DOCK7: variants seen among roughly 807,000 people sequenced by gnomAD.
The protein encoded by DOCK7 is dedicator of cytokinesis 7, also known as dedicator of cytokinesis protein 7.
In DOCK7, 138 loss-of-function variants were observed where a neutral mutation model predicts 271.0. The ratio of observed to expected loss-of-function variants is 0.51; its 90% confidence interval spans 0.44 to 0.59. DOCK7 has a LOEUF of 0.59. DOCK7 is among the 20% of genes least tolerant of loss of function. The pLI, the probability that DOCK7 is intolerant of heterozygous loss-of-function variation, is 0.00. For synonymous variants in DOCK7, 823 were observed against 876.1 expected, an observed-to-expected ratio of 0.94 and a Z score of 1.07; for missense variants, 2,066 against 2,592.4, an observed-to-expected ratio of 0.80 and a Z score of 4.41.
At chr1:62,461,745 G>A (rs1305265177) in intron 48 of DOCK7, among the ~76,000 whole-genome samples, 2 of 141,120 alleles carry the variant, frequency 1.4e-5, no homozygotes, top group Non-Finnish European at 3.1e-5. Context: ...ACTGATTTTT[G>A]GTAGAGCAGG....
In DOCK7 at chr1:62,671,874, G is replaced by A. The variant is rs139714421; in HGVS notation, c.39-8744C>T. On this transcript the variant is annotated intron_variant, in intron 1 of 49. Transcript: ENST00000635253. ...TCTCTAATGTGTCTTTAGCATATCT[G>A]CAAAGGGCTGGTTACAGAATTACTT... 1.2e-4 allele frequency among the ~76,000 whole-genome samples: 18 copies of A among 151,512 alleles called. 1 individual carries two copies. In the East Asian group the frequency reaches 3.5e-3, roughly 29 times the overall value.
At chr1:62,582,293 G>GCCTA (rs1167563186) in intron 16 of DOCK7, among the ~76,000 whole-genome samples, 1 of 152,050 alleles carries the variant, frequency 6.6e-6, no homozygotes, top group East Asian at 1.9e-4. Context: ...GCTCACGCCT[G>GCCTA]TAATCCCAGC....
At chr1:62,615,866 C>CA (rs2149578473) in intron 14 of DOCK7, among the ~76,000 whole-genome samples, 1 of 151,822 alleles carries the variant, frequency 6.6e-6, no homozygotes, top group East Asian at 1.9e-4. Context: ...ACATCATTCT[C>CA]AAATTAATAT....
At chr1:62,674,311 C>G (rs916195166) in intron 1 of DOCK7, among the ~76,000 whole-genome samples, 1 of 150,954 alleles carries the variant, frequency 6.6e-6, no homozygotes, top group Admixed American at 6.6e-5. Flanking sequence ...ATAAATAGAC[C>G]CCCCCCACCA....
chr1:62,670,636 T>C (rs1026020918), intron 1 of DOCK7, among the ~76,000 whole-genome samples: 2 of 152,248 alleles, frequency 1.3e-5, no homozygotes, highest in African/African-American at 4.8e-5. Flanking sequence ...ATCTAGCTGC[T>C]CTGGTGGGGC....
chr1:62,462,212 T>C (rs1420001826), intron 48 of DOCK7, among the ~76,000 whole-genome samples: 1 of 152,184 alleles, frequency 6.6e-6, no homozygotes, highest in East Asian at 1.9e-4. Context: ...AAATATACCA[T>C]ATTCATGGAC....
At chr1:62,558,805 C>T (rs1206123181) in intron 20 of DOCK7, among the ~76,000 whole-genome samples, 184 bp downstream of exon 20, 2 of 151,830 alleles carry the variant, frequency 1.3e-5, no homozygotes, top group Non-Finnish European at 2.9e-5. Flanking sequence ...CTATAGAACA[C>T]ATTTTATAAA....
chr1:62,688,191 G>C (rs1662064704), intron 1 of DOCK7, 36 bp downstream of exon 1: 7 of 1,335,534 alleles, frequency 5.2e-6, no homozygotes, highest in Admixed American at 3.0e-5. Flanking sequence ...TCTTTCTCGG[G>C]CGGCGGCGGC....
intron 21 of DOCK7, 26 bp from the exon 22 acceptor site, chr1:62,552,927 T>G (rs751395347): frequency 3.5e-6 from 5 of 1,439,260 alleles, no homozygotes; most frequent in East Asian, 5.1e-5. Flanking sequence ...AAATAGCACA[T>G]AATTAAAGAA....
chr1:62,490,280 C>T (rs1000174226), intron 41 of DOCK7, among the ~76,000 whole-genome samples: 7 of 151,772 alleles, frequency 4.6e-5, no homozygotes, highest in South Asian at 2.1e-4. Context: ...TTACATTGAG[C>T]GGGCTGGTTT....
intron 48 of DOCK7, among the ~76,000 whole-genome samples, chr1:62,460,499 T>C (rs1293455388): frequency 2.0e-5 from 3 of 152,088 alleles, no homozygotes; most frequent in Admixed American, 6.6e-5. Flanking sequence ...TATATACAAA[T>C]ACTACACCAT....
chr1:62,639,484 G>C (rs1003206134), intron 7 of DOCK7, among the ~76,000 whole-genome samples: 6 of 131,712 alleles, frequency 4.6e-5, no homozygotes, highest in African/African-American at 1.8e-4. Flanking sequence ...GCCCAGGCTG[G>C]AGTGCAGTGG....
intron 14 of DOCK7, chr1:62,608,115 C>T (rs1056375810): frequency 6.6e-6 from 1 of 152,072 alleles, no homozygotes; most frequent in African/African-American, 2.4e-5. Context: ...ATTTATTTCC[C>T]CCCAAGTATT....
rs768762188 is a variant in DOCK7, at chr1:62,597,876, T to C, written c.1683-11252A>G. ...AGAAAAGGAACTGAGAAGAACTACA[T>C]ATAAACTACAAGTCAAAAATGAAGA... is the stretch of plus-strand genomic sequence containing the variant. On this transcript the variant is annotated intron_variant, in intron 14 of 49. Coordinates refer to ENST00000635253, the MANE Select transcript of DOCK7 (RefSeq NM_001367561.1). The C allele has an allele frequency of 5.0e-6, 8 of 1,584,214 alleles. No individual in the cohort carries two copies. The East Asian group carries it at 1.8e-4, about 36-fold the overall frequency.
intron 13 of DOCK7, 89 bp from the exon 14 acceptor site, chr1:62,618,957 C>A: frequency 8.1e-7 from 1 of 1,237,970 alleles, no homozygotes. Flanking sequence ...CCTATTTTTG[C>A]AAGAAGTCTG....
intron 38 of DOCK7, 66 bp downstream of exon 38, chr1:62,496,273 C>G: frequency 6.3e-7 from 1 of 1,575,592 alleles, no homozygotes; most frequent in South Asian, 1.2e-5. Flanking sequence ...TTTGATTTAA[C>G]AATTTGGAAA....
intron 4 of DOCK7, among the ~76,000 whole-genome samples, chr1:62,651,331 A>G (rs1571905342): frequency 6.7e-6 from 1 of 149,048 alleles, no homozygotes; most frequent in Non-Finnish European, 1.5e-5. Context: ...GGATAGCATT[A>G]GGAGATATAC....
intron 22 of DOCK7, 50 bp from the exon 23 acceptor site, chr1:62,545,089 G>C (rs1366205224): frequency 7.1e-7 from 1 of 1,400,132 alleles, no homozygotes; most frequent in Non-Finnish European, 9.8e-7. Flanking sequence ...ATTACATGTT[G>C]CATGCTATAA....
At chr1:62,578,711 C>CTG in intron 17 of DOCK7, 117 bp downstream of exon 17, 1 of 845,022 alleles carries the variant, frequency 1.2e-6, no homozygotes, top group Non-Finnish European at 1.6e-6. Context: ...GACAGAGACT[C>CTG]TGTCTCAAAA....
Sources: allele counts gnomAD v4.1 joint callset (sites outside exome capture counted in the v4.1 genomes callset), GRCh38; gene constraint gnomAD v4.1.1; transcripts MANE v1.5; gene names NCBI Gene and HGNC (gene_info 2026-07-23, HGNC 2026-07-21).